The following FGF10 variants were observed in gnomAD, a reference collection of about 807,000 sequenced individuals.
FGF10 encodes fibroblast growth factor 10.
Under a neutral mutation model 19.8 loss-of-function variants are expected in FGF10, and 2 were observed. The ratio of observed to expected loss-of-function variants is 0.10; its 90% CI spans 0.04 to 0.32. The LOEUF is 0.32. Ranked by LOEUF, FGF10 falls within the 10% of genes least tolerant of loss-of-function variation. The probability of loss-of-function intolerance (pLI) is 1.00; values close to 1 mark genes in which losing one functional copy is unlikely to be tolerated. For missense variants in FGF10, 191 were observed against 246.3 expected, an observed-to-expected ratio of 0.78 and a Z score of 1.50; for synonymous variants, 112 against 94.0, an observed-to-expected ratio of 1.19 and a Z score of -1.10.
chr5:44,388,613 A>G lies in FGF10; in HGVS notation c.70T>C (p.Phe24Leu). The G allele has an allele frequency of 6.2e-7, 1 of 1,611,362 alleles. No individual in the cohort carries two copies. The highest frequency in any genetic ancestry group is 1.1e-5 in the South Asian group (1 of 90,964). ...PHLPGCCCCCFLLLFLVSSVP... is the reference protein window; with the variant it reads ...PHLPGCCCCCLLLLFLVSSVP... ...GAAGACACCAAGAACAGCAACAAAA[A>G]GCAGCAGCAGCAGCAGCCGGGCAGG... The change falls in exon 1 of 3, where the codon TTT becomes CTT. Residue 24 changes from phenylalanine (F) to leucine (L), a missense_variant. By Grantham distance (22) the Phe-to-Leu change is conservative. This residue lies in a region of FGF10 where 92 missense variants were observed against 84.6 expected (regional missense o/e 1.09). Transcript: ENST00000264664.
At chr5:44,330,052 A>G (rs1335357600) in intron 1 of FGF10, among the ~76,000 whole-genome samples, 3 of 152,174 alleles carry the variant, frequency 2.0e-5, no homozygotes, top group Admixed American at 2.0e-4. Flanking sequence ...TGAGTTAAAT[A>G]TTTTGGATGT....
At chr5:44,376,342 C>T (rs1038638229) in intron 1 of FGF10, among the ~76,000 whole-genome samples, 3 of 151,430 alleles carry the variant, frequency 2.0e-5, no homozygotes, top group Non-Finnish European at 4.4e-5. Context: ...GGGGTGTAGT[C>T]GTATATATGC....
intron 1 of FGF10, among the ~76,000 whole-genome samples, chr5:44,315,858 A>C (rs1056398788): frequency 1.3e-5 from 2 of 152,110 alleles, no homozygotes; most frequent in African/African-American, 4.8e-5. Flanking sequence ...CCATAGTGTG[A>C]GTCTAAATGG....
At chr5:44,351,989 G>A (rs1741244079) in intron 1 of FGF10, among the ~76,000 whole-genome samples, 1 of 151,452 alleles carries the variant, frequency 6.6e-6, no homozygotes, top group African/African-American at 2.4e-5. Flanking sequence ...TACTAACTCA[G>A]TAGTAAAAGA....
At position 44,383,006 on chromosome 5, in the gene FGF10, T is replaced by C. The variant is rs549835869; in HGVS notation, c.325+5352A>G. The stretch of plus-strand genomic sequence containing the variant: ...ACTAATACACATATATTACTCTTCT[T>C]TCTGAAGCATAATAAAGAAATATCA... On this transcript the variant is annotated intron_variant, in intron 1 of 2. Transcript: ENST00000264664. Among the ~76,000 whole-genome samples, 11 of 152,236 alleles carry C rather than the reference T, an allele frequency of 7.2e-5. No homozygotes were observed. The East Asian group carries it at 2.1e-3, about 29-fold the overall frequency.
At chr5:44,362,851 C>G (rs528584147) in intron 1 of FGF10, among the ~76,000 whole-genome samples, 16 of 151,680 alleles carry the variant, frequency 1.1e-4, no homozygotes, top group Middle Eastern at 6.8e-3. Context: ...TTATCTCTTC[C>G]CCTCTCTTTT....
At chr5:44,317,984 G>A (rs10060198) in intron 1 of FGF10, among the ~76,000 whole-genome samples, 2,252 of 152,094 alleles carry the variant, frequency 0.015, 59 homozygotes, top group African/African-American at 0.051. Flanking sequence ...TGATTCTATC[G>A]CTAGTTTTGG....
chr5:44,387,869 T>A (rs1449262103), intron 1 of FGF10, among the ~76,000 whole-genome samples: 1 of 151,946 alleles, frequency 6.6e-6, no homozygotes, highest in Non-Finnish European at 1.5e-5. Flanking sequence ...TAAATAAAGT[T>A]CCCACAAAGC....
In FGF10 at chr5:44,389,072, C is replaced by T; in HGVS notation, c.-390G>A. On this transcript the variant is annotated 5_prime_UTR_variant, in exon 1 of 3. Coordinates refer to ENST00000264664, the MANE Select transcript of FGF10 (RefSeq NM_004465.2). ...CCAAAAAGGTCTGAAAAACAGATGA[C>T]AGCACGGTGAACAAAACCCAAGGGA... 3.0e-6 allele frequency: 1 copy of T among 333,146 alleles called. No homozygotes were observed. The highest frequency in any genetic ancestry group is 2.8e-5 in the South Asian group (1 of 35,624). 20.6% of individuals were successfully genotyped at this position (333,146 alleles called of 1,614,324 possible).
intron 1 of FGF10, among the ~76,000 whole-genome samples, chr5:44,368,249 T>C (rs1022221019): frequency 6.6e-6 from 1 of 152,084 alleles, no homozygotes; most frequent in Non-Finnish European, 1.5e-5. Flanking sequence ...GGAAAATATA[T>C]AATAAGACAA....
At chr5:44,316,388 A>C (rs1740350762) in intron 1 of FGF10, among the ~76,000 whole-genome samples, 1 of 152,190 alleles carries the variant, frequency 6.6e-6, no homozygotes, top group Admixed American at 6.6e-5. Context: ...TGGCAAGTTA[A>C]CCAACCTTCT....
chr5:44,344,579 T>C (rs1741043467), intron 1 of FGF10, among the ~76,000 whole-genome samples: 1 of 149,606 alleles, frequency 6.7e-6, no homozygotes, highest in African/African-American at 2.5e-5. Context: ...TGTGTGTGTG[T>C]GTGTGTGTGT....
chr5:44,388,774 G>T lies in FGF10; in HGVS notation c.-92C>A. On this transcript the variant is annotated 5_prime_UTR_variant, in exon 1 of 3. Transcript: ENST00000264664. The stretch of plus-strand genomic sequence containing the variant: ...ATGCAAGGCAAGGAGAGAGCTCGAG[G>T]TGGTGGCTGCTGGTTAGCTCCCTCT... 7.4e-7 allele frequency: 1 copy of T among 1,356,116 alleles called. No homozygotes were observed. The highest frequency in any genetic ancestry group is 1.2e-5 in the South Asian group (1 of 82,250). The allele number at this position is 1,356,116 out of a possible 1,614,324, so 84.0% of individuals were successfully genotyped here.
intron 1 of FGF10, among the ~76,000 whole-genome samples, chr5:44,331,067 T>C (rs1740725240): frequency 6.6e-6 from 1 of 152,156 alleles, no homozygotes; most frequent in African/African-American, 2.4e-5. Flanking sequence ...CTAAAGCTAA[T>C]GGTAAAAGGA....
chr5:44,373,539 T>C (rs951442908), intron 1 of FGF10, among the ~76,000 whole-genome samples: 10 of 152,176 alleles, frequency 6.6e-5, no homozygotes, highest in Non-Finnish European at 8.8e-5. Context: ...AATTCATCAC[T>C]TACACGTTCT....
intron 1 of FGF10, among the ~76,000 whole-genome samples, chr5:44,377,514 A>G (rs2111906545): frequency 6.6e-6 from 1 of 152,284 alleles, no homozygotes; most frequent in East Asian, 1.9e-4. Context: ...GTTGCCTTTT[A>G]TTCTATAGTC....
chr5:44,377,554 A>C (rs1344155963), intron 1 of FGF10, among the ~76,000 whole-genome samples: 1 of 152,134 alleles, frequency 6.6e-6, no homozygotes, highest in Non-Finnish European at 1.5e-5. Flanking sequence ...CTATTTCGCT[A>C]TTCTTTTTTT....
chr5:44,327,426 C>T (rs770844454), intron 1 of FGF10, among the ~76,000 whole-genome samples: 51 of 152,142 alleles, frequency 3.4e-4, no homozygotes, highest in Non-Finnish European at 5.9e-4. Flanking sequence ...TTTTCTTACC[C>T]AAGTTTGCAG....
At chr5:44,350,697 T>G (rs935445471) in intron 1 of FGF10, among the ~76,000 whole-genome samples, 1 of 151,150 alleles carries the variant, frequency 6.6e-6, no homozygotes, top group Non-Finnish European at 1.5e-5. Context: ...TGTATCAAAT[T>G]TTTTTAAATA....
Sources: allele counts gnomAD v4.1 joint callset (sites outside exome capture counted in the v4.1 genomes callset), GRCh38; gene constraint gnomAD v4.1.1; regional missense constraint gnomAD v4.1.1; transcripts MANE v1.5; gene names NCBI Gene and HGNC (gene_info 2026-07-23, HGNC 2026-07-21).